The following JAM3 variants were observed in gnomAD, a reference collection of about 807,000 sequenced individuals.
JAM3 encodes junctional adhesion molecule C.
A neutral mutation model predicts 39.4 loss-of-function variants in JAM3; 31 were observed. The ratio of observed to expected loss-of-function variants is 0.79; its 90% CI spans 0.59 to 1.06. The LOEUF (loss-of-function observed/expected upper bound fraction) is 1.06. Among genes scored for constraint, JAM3 ranks in the 50% least tolerant of loss-of-function variants. The pLI is 0.00. For missense variants in JAM3, 455 were observed against 391.4 expected (o/e 1.16, Z -1.37); for synonymous variants, 182 against 148.7 (o/e 1.22, Z -1.63).
In JAM3 at chr11:134,149,264, T is replaced by C; in HGVS notation, c.*83T>C. The stretch of plus-strand genomic sequence containing the variant: ...CTCCTGTCAAGGCAGCGAGAGCTGA[T>C]GCACTCGGACAGAGCTAGACACTCA... On this transcript the variant is annotated 3_prime_UTR_variant, in exon 9 of 9. Coordinates refer to ENST00000299106, the MANE Select transcript of JAM3 (RefSeq NM_032801.5). 6.5e-7 allele frequency: 1 copy of C among 1,530,778 alleles called. No individual in the cohort carries two copies. Among genetic ancestry groups the C allele is most frequent in the East Asian group, 2.3e-5 (1 of 44,382 alleles). The allele number at this position is 1,530,778 out of a possible 1,614,324, so 94.8% of individuals were successfully genotyped here. A position where few individuals can be genotyped will look rare whatever the true frequency, so the allele number is the denominator to read the frequency against.
chr11:134,141,456 A>G (rs552568367), intron 3 of JAM3, among the ~76,000 whole-genome samples: 43 of 149,576 alleles, frequency 2.9e-4, no homozygotes, highest in African/African-American at 1.1e-3. Flanking sequence ...GAGGGAGGAG[A>G]GGGGGGAGAG....
At chr11:134,098,795 AG>A (rs1453612736) in intron 1 of JAM3, among the ~76,000 whole-genome samples, 1 of 152,162 alleles carries the variant, frequency 6.6e-6, no homozygotes, top group African/African-American at 2.4e-5. Context: ...TGTGAGGGAT[AG>A]CTCAGTAAGC....
intron 1 of JAM3, among the ~76,000 whole-genome samples, chr11:134,097,367 C>T (rs554519555): frequency 4.9e-4 from 75 of 152,316 alleles, no homozygotes; most frequent in African/African-American, 1.7e-3. Context: ...AGATTAATCC[C>T]AGCTGGCCAC....
chr11:134,146,705 C>A (rs1193382408), intron 6 of JAM3, among the ~76,000 whole-genome samples: 13 of 152,092 alleles, frequency 8.5e-5, no homozygotes. Flanking sequence ...GTAGCTGGAA[C>A]AACAGGCACA....
intron 1 of JAM3, among the ~76,000 whole-genome samples, chr11:134,110,224 A>G (rs1942283385): frequency 6.6e-6 from 1 of 152,202 alleles, no homozygotes; most frequent in Non-Finnish European, 1.5e-5. Flanking sequence ...GTGGGAATGT[A>G]AAATGGTAAG....
intron 1 of JAM3, among the ~76,000 whole-genome samples, chr11:134,088,972 T>C (rs1257102980): frequency 6.6e-6 from 1 of 152,148 alleles, no homozygotes; most frequent in Non-Finnish European, 1.5e-5. Flanking sequence ...TTAAGGGCAG[T>C]CGGAATGGAT....
chr11:134,124,933 C>T (rs1046540851), intron 1 of JAM3, among the ~76,000 whole-genome samples: 1 of 152,218 alleles, frequency 6.6e-6, no homozygotes, highest in Non-Finnish European at 1.5e-5. Flanking sequence ...TGAAGTCCGG[C>T]GGTGGCAGGA....
intron 1 of JAM3, among the ~76,000 whole-genome samples, chr11:134,106,421 C>T (rs1474499731): frequency 1.3e-5 from 2 of 152,138 alleles, no homozygotes; most frequent in East Asian, 3.8e-4. Context: ...CAATACCATT[C>T]AGGACATAGG....
At chr11:134,070,227 C>A (rs1591764375) in intron 1 of JAM3, 1 of 456,302 alleles carries the variant, frequency 2.2e-6, no homozygotes, top group East Asian at 7.0e-5. Flanking sequence ...GCCTCAACTT[C>A]ATATTTACCT....
intron 1 of JAM3, among the ~76,000 whole-genome samples, chr11:134,091,505 AATAG>A (rs1189693687): frequency 6.6e-4 from 97 of 146,528 alleles, no homozygotes; most frequent in East Asian, 2.3e-3. Context: ...TCTCTAAATA[AATAG>A]ATAGATAGAT....
At chr11:134,093,435 C>A (rs1188454152) in intron 1 of JAM3, among the ~76,000 whole-genome samples, 1 of 134,386 alleles carries the variant, frequency 7.4e-6, no homozygotes, top group Non-Finnish European at 1.6e-5. Context: ...GGAAGCTTCT[C>A]CTGAAACCTC....
chr11:134,074,790 A>G (rs1565480378), intron 1 of JAM3, among the ~76,000 whole-genome samples: 1 of 152,092 alleles, frequency 6.6e-6, no homozygotes. Context: ...ACAGGGTGAA[A>G]TTGACTTCTG....
chr11:134,120,084 G>A (rs1262497327), intron 1 of JAM3, among the ~76,000 whole-genome samples: 2 of 149,830 alleles, frequency 1.3e-5, no homozygotes, highest in Admixed American at 6.7e-5. Flanking sequence ...TAAAAAATTG[G>A]TGAAGGAACT....
chr11:134,144,352 G>C lies in JAM3; in HGVS notation c.368G>C (p.Arg123Pro). 6.2e-7 allele frequency: 1 copy of C among 1,614,228 alleles called. No homozygotes were observed. The highest frequency in any genetic ancestry group is 1.7e-5 in the Admixed American group (1 of 60,028). ...YRCEVVARND[R>P]KEIDEIVIEL... ...TGTGAGGTCGTTGCTCGAAATGACC[G>C]CAAGGAAATTGATGAGATTGTGATC... The change falls in exon 4 of 9, where the codon CGC (arginine) becomes CCC (proline). Residue 123 changes from arginine (R) to proline (P), a missense_variant. Transcript: ENST00000299106.
Position 134,149,849 on chromosome 11 carries a change from A to T in JAM3, c.*668A>T. 1 of 324,636 alleles carries T rather than the reference A, an allele frequency of 3.1e-6. No individual in the cohort carries two copies. The highest frequency in any genetic ancestry group is 6.1e-6 in the Non-Finnish European group (1 of 163,734). 20.1% of individuals were successfully genotyped at this position (324,636 alleles called of 1,614,324 possible). A position where few individuals can be genotyped will look rare whatever the true frequency, so the allele number is the denominator to read the frequency against. On this transcript the variant is annotated 3_prime_UTR_variant, in exon 9 of 9. Coordinates refer to ENST00000299106, the MANE Select transcript of JAM3 (RefSeq NM_032801.5). Reference sequence around the variant, plus strand: ...AACAGGGTGTCAGGATTTAAGGAAAACCTTCGTCTTAGGCTAAGTCTGAAA... The same window carrying T: ...AACAGGGTGTCAGGATTTAAGGAAATCCTTCGTCTTAGGCTAAGTCTGAAA...
intron 1 of JAM3, among the ~76,000 whole-genome samples, chr11:134,128,282 G>A (rs967254628): frequency 2.0e-5 from 3 of 152,188 alleles, no homozygotes; most frequent in Admixed American, 2.0e-4. Context: ...CCTCCTGGGA[G>A]TGGACCCCAG....
intron 1 of JAM3, among the ~76,000 whole-genome samples, chr11:134,113,998 G>A (rs1322940625): frequency 6.6e-6 from 1 of 152,144 alleles, no homozygotes. Context: ...CTTCTTTTCA[G>A]AAGTGTCTGT....
intron 1 of JAM3, among the ~76,000 whole-genome samples, chr11:134,079,676 T>C (rs929701210): frequency 6.6e-6 from 1 of 152,238 alleles, no homozygotes; most frequent in African/African-American, 2.4e-5. Flanking sequence ...CCCACCTCTC[T>C]CACACTACCA....
intron 1 of JAM3, among the ~76,000 whole-genome samples, chr11:134,079,943 GA>G (rs1282406740): frequency 2.0e-5 from 3 of 152,106 alleles, no homozygotes; most frequent in Admixed American, 6.6e-5. Context: ...AGAGAGGTTG[GA>G]AAAATTTATT....
Sources: gnomAD v4.1 joint callset for allele counts (sites outside exome capture counted in the v4.1 genomes callset) on GRCh38, gnomAD v4.1.1 for gene constraint, MANE v1.5 for transcripts, NCBI Gene and HGNC (gene_info 2026-07-23, HGNC 2026-07-21) for gene names.